KIAA1671: variants seen among roughly 807,000 people sequenced by gnomAD.
The protein encoded by KIAA1671 is uncharacterized protein KIAA1671.
In KIAA1671, 52 loss-of-function variants were observed where a neutral mutation model predicts 131.2. That is an observed-to-expected ratio of 0.40 (90% CI 0.32 to 0.50). KIAA1671 has a LOEUF of 0.50. Among genes scored for constraint, KIAA1671 ranks in the 20% least tolerant of loss-of-function variants. The pLI is 0.73. For missense variants in KIAA1671, 2,360 were observed against 2,364.2 expected (o/e 1.00, Z 0.04); for synonymous variants, 1,003 against 961.6 (o/e 1.04, Z -0.80).
At chr22:25,092,329 C>T (rs529735777) in intron 6 of KIAA1671, among the ~76,000 whole-genome samples, 21 of 152,280 alleles carry the variant, frequency 1.4e-4, no homozygotes, top group Non-Finnish European at 2.6e-4. Flanking sequence ...GAGGGAACAG[C>T]ACGTGCAAAG....
chr22:25,070,156 C>T (rs1032878906), intron 6 of KIAA1671: 2 of 384,886 alleles, frequency 5.2e-6, no homozygotes, highest in African/African-American at 4.1e-5. Flanking sequence ...GGGCGGGGCT[C>T]ATAGGACCGA....
rs1205968455 is a variant in KIAA1671 at position 25,194,233 on chromosome 22, C to T, written c.*1832C>T. The T allele has an allele frequency of 6.6e-6, 1 of 152,124 alleles. No individual in the cohort carries two copies. The highest frequency in any genetic ancestry group is 2.4e-5 in the African/African-American group (1 of 41,416). 9.4% of individuals were successfully genotyped at this position (152,124 alleles called of 1,614,324 possible). ...GGACTACAGGTGTATGCTACCATGACCAGCTAATTTTTAAATATTTTTGTA... is the reference window on the plus strand; with the variant it reads ...GGACTACAGGTGTATGCTACCATGATCAGCTAATTTTTAAATATTTTTGTA... On this transcript the variant is annotated 3_prime_UTR_variant, in exon 13 of 13. Transcript: ENST00000358431.
chr22:25,041,469 T>C lies in KIAA1671; in HGVS notation c.4339T>C (p.Leu1447=), dbSNP rs953672120. Residue 1447 remains leucine (L), a synonymous_variant, in exon 5 of 13, where the codon TTG becomes CTG. Transcript: ENST00000358431. The part of the protein sequence containing the change: ...KGRPSLTGEN[L]EAKMGPCWWE... The stretch of plus-strand genomic sequence containing the variant: ...GAGGCCCAGCCTTACTGGAGAGAAT[T>C]TGGAGGCCAAAATGGGACCCTGTTG... 18 of 1,551,170 alleles carry C rather than the reference T, an allele frequency of 1.2e-5. No individual in the cohort carries two copies. In the African/African-American group the frequency reaches 2.2e-4, roughly 19 times the overall value.
chr22:25,093,768 GTCTCTCTCTCTCTCTCTCTCTCTC>G (rs71191028), intron 6 of KIAA1671, among the ~76,000 whole-genome samples: 3 of 60,740 alleles, frequency 4.9e-5, no homozygotes, highest in Non-Finnish European at 5.8e-5. Context: ...CTCTCTCTCT[GTCTCTCTCTCTCTCTCTCTCTCTC>G]TCTCTCTCTC....
intron 6 of KIAA1671, among the ~76,000 whole-genome samples, chr22:25,156,199 A>AT (rs1000397013): frequency 4.8e-5 from 7 of 146,344 alleles, no homozygotes; most frequent in East Asian, 2.0e-4. Flanking sequence ...ATATTTTTGT[A>AT]TTTTTTTAGT....
chr22:24,985,792 G>A (rs1045861799), intron 1 of KIAA1671, among the ~76,000 whole-genome samples: 2 of 151,900 alleles, frequency 1.3e-5, no homozygotes, highest in East Asian at 3.9e-4. Context: ...GAGAGAGAGA[G>A]AGAGAAACAG....
chr22:25,074,691 G>C (rs1050289360), intron 6 of KIAA1671, among the ~76,000 whole-genome samples: 2 of 151,950 alleles, frequency 1.3e-5, no homozygotes, highest in Non-Finnish European at 2.9e-5. Flanking sequence ...TGAATTCTGT[G>C]GTTCACAAGT....
At chr22:25,016,016 C>T (rs1461768539) in intron 1 of KIAA1671, among the ~76,000 whole-genome samples, 3 of 88,776 alleles carry the variant, frequency 3.4e-5, no homozygotes, top group Non-Finnish European at 6.0e-5. Flanking sequence ...ACAGGGGCTT[C>T]TTTTTTTTCT....
At chr22:25,087,493 G>A (rs1283055657) in intron 6 of KIAA1671, among the ~76,000 whole-genome samples, 1 of 152,186 alleles carries the variant, frequency 6.6e-6, no homozygotes, top group Admixed American at 6.5e-5. Context: ...TGAGACAGGA[G>A]AGTCACTTGA....
At chr22:25,065,653 T>TATTA (rs1568936878) in intron 6 of KIAA1671, among the ~76,000 whole-genome samples, 2 of 150,234 alleles carry the variant, frequency 1.3e-5, no homozygotes, top group African/African-American at 4.9e-5. Flanking sequence ...TATTATTTTT[T>TATTA]TTTTTTTGAG....
intron 3 of KIAA1671, among the ~76,000 whole-genome samples, chr22:25,031,995 G>A (rs1926321449): frequency 6.6e-6 from 1 of 152,260 alleles, no homozygotes; most frequent in Non-Finnish European, 1.5e-5. Context: ...ATGCTCTCCA[G>A]AGATGGAAAG....
intron 6 of KIAA1671, among the ~76,000 whole-genome samples, chr22:25,089,902 G>A (rs984220476): frequency 6.6e-6 from 1 of 152,194 alleles, no homozygotes; most frequent in African/African-American, 2.4e-5. Flanking sequence ...TTGAACAGGG[G>A]TTTTCTAGGT....
At chr22:25,127,513 T>C (rs1266908478) in intron 6 of KIAA1671, among the ~76,000 whole-genome samples, 1 of 152,152 alleles carries the variant, frequency 6.6e-6, no homozygotes, top group East Asian at 1.9e-4. Context: ...CCCGGCCTCT[T>C]TTGCATCCAC....
chr22:25,102,721 G>A (rs1272735742), intron 6 of KIAA1671: 1 of 152,446 alleles, frequency 6.6e-6, no homozygotes, highest in Admixed American at 6.5e-5. Flanking sequence ...GGGATTAGAG[G>A]TGTAAGCCAC....
intron 1 of KIAA1671, among the ~76,000 whole-genome samples, chr22:24,960,432 G>A (rs1011181637): frequency 1.1e-4 from 16 of 151,036 alleles, no homozygotes; most frequent in African/African-American, 3.6e-4. Flanking sequence ...TGTAATCCCA[G>A]CTACTCGGGA....
chr22:24,990,996 C>G (rs1923811940), intron 1 of KIAA1671, among the ~76,000 whole-genome samples: 1 of 152,078 alleles, frequency 6.6e-6, no homozygotes, highest in Admixed American at 6.5e-5. Context: ...CAGGCCTTCT[C>G]TGAGGAAGGG....
chr22:25,002,610 A>C (rs1459599255), intron 1 of KIAA1671, among the ~76,000 whole-genome samples: 1 of 152,102 alleles, frequency 6.6e-6, no homozygotes, highest in Non-Finnish European at 1.5e-5. Context: ...CTGCATCTAG[A>C]GGTGAAAACT....
chr22:25,026,292 T>A (rs1925939314), intron 2 of KIAA1671, among the ~76,000 whole-genome samples: 1 of 152,118 alleles, frequency 6.6e-6, no homozygotes, highest in African/African-American at 2.4e-5. Flanking sequence ...TACCTTCTAC[T>A]TTTTTAGTCC....
intron 6 of KIAA1671, among the ~76,000 whole-genome samples, chr22:25,162,947 T>G (rs993112618): frequency 6.6e-6 from 1 of 152,236 alleles, no homozygotes; most frequent in African/African-American, 2.4e-5. Context: ...GATTGGTACT[T>G]AACTTATGAT....
Sources: allele counts gnomAD v4.1 joint callset (sites outside exome capture counted in the v4.1 genomes callset), GRCh38; gene constraint gnomAD v4.1.1; transcripts MANE v1.5; gene names NCBI Gene and HGNC (gene_info 2026-07-23, HGNC 2026-07-21).